FOXO1: variants seen among roughly 807,000 people sequenced by gnomAD.
FOXO1 encodes forkhead box O1.
FOXO1 carries 6 observed loss-of-function variants against 44.1 expected under a neutral mutation model. The observed-to-expected ratio is 0.14, with a 90% CI of 0.07 to 0.27. FOXO1 has a LOEUF of 0.27. FOXO1 is among the 10% of genes least tolerant of loss of function. The probability of loss-of-function intolerance (pLI) is 1.00; values close to 1 mark genes in which losing one functional copy is unlikely to be tolerated. For missense variants in FOXO1, 737 were observed against 888.8 expected (o/e 0.83, Z 2.17); for synonymous variants, 380 against 362.7 (o/e 1.05, Z -0.54).
chr13:40,561,351 C>CAAA lies in FOXO1; in HGVS notation c.631-494_631-492dup, dbSNP rs5803055. 1.7e-3 allele frequency among the ~76,000 whole-genome samples: 201 copies of CAAA among 119,410 alleles called. 1 individual carries two copies. The highest frequency in any genetic ancestry group is 4.6e-3 in the African/African-American group (138 of 30,062). 78.3% of individuals were successfully genotyped at this position (119,410 alleles called of 152,430 possible). A position where few individuals can be genotyped will look rare whatever the true frequency, so the allele number is the denominator to read the frequency against. ...TGGGAGACAGAGTGAGACTCGATCT[C>CAAA]AAAAAAAAAAAAAAAAAAATTCTAT... On this transcript the variant is annotated intron_variant, in intron 1 of 2. Transcript: ENST00000379561.
intron 1 of FOXO1, among the ~76,000 whole-genome samples, chr13:40,660,990 A>AAC (rs1878018873): frequency 2.0e-5 from 3 of 147,766 alleles, no homozygotes; most frequent in Admixed American, 6.7e-5. Flanking sequence ...ACAACAACAA[A>AAC]AATGAGAATC....
intron 1 of FOXO1, among the ~76,000 whole-genome samples, chr13:40,664,217 G>C (rs758402063): frequency 4.3e-4 from 66 of 152,218 alleles, no homozygotes; most frequent in Non-Finnish European, 7.1e-4. Context: ...AGGTTGCAGT[G>C]AGCCGAGATC....
chr13:40,598,438 GGAACAAAAACAAACGAAT>G (rs1293076083), intron 1 of FOXO1, among the ~76,000 whole-genome samples: 2 of 151,694 alleles, frequency 1.3e-5, no homozygotes, highest in Non-Finnish European at 2.9e-5. Context: ...TTTGCAAGAG[GGAACAAAAACAAACGAAT>G]GAACAAAAAC....
At chr13:40,636,831 TAAC>T (rs1386091413) in intron 1 of FOXO1, among the ~76,000 whole-genome samples, 1 of 152,104 alleles carries the variant, frequency 6.6e-6, no homozygotes, top group Non-Finnish European at 1.5e-5. Context: ...AAGAAGGAAA[TAAC>T]AAGAAGCCTA....
intron 1 of FOXO1, among the ~76,000 whole-genome samples, chr13:40,566,568 C>T (rs1282588934): frequency 6.6e-6 from 1 of 151,862 alleles, no homozygotes; most frequent in South Asian, 2.1e-4. Context: ...TTAGTACAGG[C>T]GGGGTTTCAC....
Position 40,568,707 on chromosome 13 carries a change from G to A in FOXO1, c.631-7847C>T, listed in dbSNP as rs75133996. Among the ~76,000 whole-genome samples the A allele has an allele frequency of 8.7e-4, 132 of 152,162 alleles. 3 individuals are homozygous for A. The East Asian group carries it at 0.019, about 22-fold the overall frequency. On this transcript the variant is annotated intron_variant, in intron 1 of 2. Coordinates refer to ENST00000379561, the MANE Select transcript of FOXO1 (RefSeq NM_002015.4). Reference sequence around the variant, plus strand: ...TAAGGCTGGTTCATTTCCCAGAATCGTTTCCTTCTTGCCCGAATATCCTCA... The same window carrying A: ...TAAGGCTGGTTCATTTCCCAGAATCATTTCCTTCTTGCCCGAATATCCTCA...
chr13:40,610,012 T>C (rs1477610544), intron 1 of FOXO1, among the ~76,000 whole-genome samples: 1 of 152,170 alleles, frequency 6.6e-6, no homozygotes, highest in Non-Finnish European at 1.5e-5. Flanking sequence ...AATGTATTGA[T>C]AAAGAAGCAC....
intron 1 of FOXO1, among the ~76,000 whole-genome samples, chr13:40,664,436 C>T (rs574002561): frequency 1.3e-3 from 191 of 152,094 alleles, no homozygotes; most frequent in Non-Finnish European, 2.1e-3. Context: ...TCCTCGGAGT[C>T]GGGAAGTGCC....
rs528898592 is a variant in FOXO1 at position 40,573,731 on chromosome 13, C to A, written c.631-12871G>T. Among the ~76,000 whole-genome samples, 4 of 152,206 alleles carry A rather than the reference C, an allele frequency of 2.6e-5. No individual in the cohort carries two copies. The East Asian group carries it at 7.7e-4, about 29-fold the overall frequency. Reference sequence around the variant, plus strand: ...AAACAAACAAACAAAACAAAAAAACCTCACAGTTGCCTTTGGAAGTTATCG... The same window carrying A: ...AAACAAACAAACAAAACAAAAAAACATCACAGTTGCCTTTGGAAGTTATCG... On this transcript the variant is annotated intron_variant, in intron 1 of 2. Coordinates refer to ENST00000379561, the MANE Select transcript of FOXO1 (RefSeq NM_002015.4).
chr13:40,558,733 C>A lies in FOXO1; in HGVS notation c.*316G>T. On this transcript the variant is annotated 3_prime_UTR_variant, in exon 3 of 3. Transcript: ENST00000379561. ...TGCTTATATACAAAACTTGAAAGCA[C>A]ACCAGGATCTGAAAATCTTTTCTGC... is the stretch of plus-strand genomic sequence containing the variant. 1 of 398,420 alleles carries A rather than the reference C, an allele frequency of 2.5e-6. No homozygotes were observed. The highest frequency in any genetic ancestry group is 1.3e-4 in the South Asian group (1 of 7,598). 24.7% of individuals were successfully genotyped at this position (398,420 alleles called of 1,614,324 possible). A position where few individuals can be genotyped will look rare whatever the true frequency, so the allele number is the denominator to read the frequency against.
Position 40,556,392 on chromosome 13 carries a change from C to T in FOXO1, c.*2657G>A, listed in dbSNP as rs1055626399. 9.8e-5 allele frequency: 15 copies of T among 152,624 alleles called. No individual in the cohort carries two copies. Among genetic ancestry groups the T allele is most frequent in the Non-Finnish European group, 1.5e-5 (1 of 68,040 alleles). 9.5% of individuals were successfully genotyped at this position (152,624 alleles called of 1,614,324 possible). On this transcript the variant is annotated 3_prime_UTR_variant, in exon 3 of 3. Transcript: ENST00000379561. ...CGTCTATATTACGGAAACAATACATCTTTATATTTAAAATATCTGAATAGC... is the reference window on the plus strand; with the variant it reads ...CGTCTATATTACGGAAACAATACATTTTTATATTTAAAATATCTGAATAGC...
intron 1 of FOXO1, among the ~76,000 whole-genome samples, chr13:40,615,727 G>C (rs1273929923): frequency 2.6e-5 from 4 of 152,178 alleles, no homozygotes; most frequent in Non-Finnish European, 5.9e-5. Flanking sequence ...GGGGAAGAGT[G>C]TTCCAAAGAG....
chr13:40,614,739 A>T (rs1020929696), intron 1 of FOXO1, among the ~76,000 whole-genome samples: 4 of 152,230 alleles, frequency 2.6e-5, no homozygotes, highest in African/African-American at 9.6e-5. Context: ...GGCTAAAAGA[A>T]AACAATGAAA....
intron 1 of FOXO1, among the ~76,000 whole-genome samples, chr13:40,646,157 A>G (rs957936194): frequency 5.9e-5 from 9 of 152,136 alleles, no homozygotes; most frequent in African/African-American, 1.9e-4. Context: ...AATTTTAATT[A>G]GTCTATGATG....
At chr13:40,567,439 A>G (rs1453847365) in intron 1 of FOXO1, among the ~76,000 whole-genome samples, 1 of 152,094 alleles carries the variant, frequency 6.6e-6, no homozygotes, top group Non-Finnish European at 1.5e-5. Context: ...AGAAATGGAA[A>G]AGGAAAAATT....
intron 1 of FOXO1, among the ~76,000 whole-genome samples, chr13:40,613,739 A>G (rs890773433): frequency 1.1e-4 from 16 of 152,316 alleles, no homozygotes; most frequent in Admixed American, 6.5e-5. Flanking sequence ...AACAAACACA[A>G]GCGTGAGCCA....
chr13:40,603,988 T>C (rs1875906254), intron 1 of FOXO1, among the ~76,000 whole-genome samples: 1 of 151,976 alleles, frequency 6.6e-6, no homozygotes, highest in African/African-American at 2.4e-5. Flanking sequence ...AGAACTGGGG[T>C]TGATGTGGTG....
chr13:40,656,130 G>C (rs934392536), intron 1 of FOXO1, among the ~76,000 whole-genome samples: 1 of 152,120 alleles, frequency 6.6e-6, no homozygotes, highest in Admixed American at 6.5e-5. Context: ...TGTCAGTTTT[G>C]CATTTGGCCT....
At position 40,560,777 on chromosome 13, in the gene FOXO1, C is replaced by G; in HGVS notation, c.714G>C (p.Met238Ile). The G allele has an allele frequency of 5.6e-6, 9 of 1,614,184 alleles. No homozygotes were observed. The highest frequency in any genetic ancestry group is 6.8e-6 in the Non-Finnish European group (8 of 1,180,022). The change falls in exon 2 of 3, where the codon ATG (methionine) becomes ATC (isoleucine). Residue 238 changes from methionine (M) to isoleucine (I), a missense_variant. Transcript: ENST00000379561. The surrounding 1 kb of genome is among the most constrained non-coding windows in gnomAD (Gnocchi z 5.1). ...CGCTCTTGCCACCCTCTGGATTGAG[C>G]ATCCACCAAGAACTTTTTCCAGTTC... ...NEGTGKSSWWMLNPEGGKSGK... is the reference protein window; with the variant it reads ...NEGTGKSSWWILNPEGGKSGK...
Sources: allele counts gnomAD v4.1 joint callset (sites outside exome capture counted in the v4.1 genomes callset), GRCh38; gene constraint gnomAD v4.1.1; non-coding constraint Gnocchi (gnomAD v3.1); transcripts MANE v1.5; gene names NCBI Gene and HGNC (gene_info 2026-07-23, HGNC 2026-07-21).